FHAD1: variants seen among roughly 807,000 people sequenced by gnomAD.
The protein encoded by FHAD1 is forkhead-associated domain-containing protein 1.
A neutral mutation model predicts 191.3 loss-of-function variants in FHAD1; 146 were observed. The observed-to-expected ratio is 0.76, with a 90% confidence interval of 0.67 to 0.88. FHAD1 has a LOEUF of 0.88. Ranked by LOEUF, FHAD1 falls within the 40% of genes least tolerant of loss-of-function variation. The probability of loss-of-function intolerance (pLI) is 0.00; values close to 1 mark genes in which losing one functional copy is unlikely to be tolerated. For missense variants in FHAD1, 1,635 were observed against 1,785.8 expected, an observed-to-expected ratio of 0.92 and a Z score of 1.52; for synonymous variants, 616 against 672.3, an observed-to-expected ratio of 0.92 and a Z score of 1.29.
Position 15,341,828 on chromosome 1 carries a change from G to C in FHAD1, c.2070G>C (p.Glu690Asp). The change falls in exon 16 of 34, where the codon GAG becomes GAC. Residue 690 changes from glutamate (E) to aspartate (D), a missense_variant. By Grantham distance (45) the Glu-to-Asp change is conservative. Coordinates refer to ENST00000688493, the MANE Select transcript of FHAD1 (RefSeq NM_001391957.1). ...CAGAGAAGGAGAAGCTGAACGAGGA[G>C]AGGCTAGAGCAAGAGGAGAAGCTCA... ...HLAEKEKLNEERLEQEEKLKA... is the reference protein window; with the variant it reads ...HLAEKEKLNEDRLEQEEKLKA... 6.4e-7 allele frequency: 1 copy of C among 1,551,886 alleles called. No individual in the cohort carries two copies. Among genetic ancestry groups the C allele is most frequent in the Non-Finnish European group, 8.7e-7 (1 of 1,147,018 alleles).
intron 33 of FHAD1, among the ~76,000 whole-genome samples, chr1:15,395,203 A>G (rs1420588592): frequency 6.6e-6 from 1 of 151,606 alleles, no homozygotes; most frequent in Non-Finnish European, 1.5e-5. Flanking sequence ...TGTCCCAGGT[A>G]CTCGGGAGGC....
intron 11 of FHAD1, chr1:15,326,749 C>T (rs1678793661): frequency 8.2e-6 from 2 of 242,634 alleles, no homozygotes; most frequent in Non-Finnish European, 1.6e-5. Flanking sequence ...GCGCTCCCGG[C>T]CCCAGACTTC....
Position 15,345,453 on chromosome 1 carries a change from T to C in FHAD1, c.2276T>C (p.Val759Ala), listed in dbSNP as rs1688517311. 1 of 1,551,768 alleles carries C rather than the reference T, an allele frequency of 6.4e-7. No individual in the cohort carries two copies. Among genetic ancestry groups the C allele is most frequent in the Non-Finnish European group, 8.7e-7 (1 of 1,147,018 alleles). ...AKSITQEKNR[V>A]KEALEEEQTR... Reference sequence around the variant, plus strand: ...AGCATTACCCAGGAGAAGAACAGAGTGAAGGAAGCATTAGAGGAAGAGCAG... The same window carrying C: ...AGCATTACCCAGGAGAAGAACAGAGCGAAGGAAGCATTAGAGGAAGAGCAG... Residue 759 changes from valine to alanine, a missense_variant, in exon 18 of 34, where the codon GTG becomes GCG. By Grantham distance (64) the Val-to-Ala change is moderately conservative. Transcript: ENST00000688493.
intron 23 of FHAD1, 94 bp from the exon 24 acceptor site, chr1:15,365,733 A>G: frequency 1.4e-6 from 1 of 734,260 alleles, no homozygotes; most frequent in Admixed American, 2.3e-5. Flanking sequence ...CGTGATTGAG[A>G]ATCTCTTTGC....
At chr1:15,319,690 A>C (rs1574303570) in intron 10 of FHAD1, among the ~76,000 whole-genome samples, 1 of 152,246 alleles carries the variant, frequency 6.6e-6, no homozygotes, top group East Asian at 1.9e-4. Context: ...GGTAGAAATG[A>C]AAACTACAAA....
intron 14 of FHAD1, among the ~76,000 whole-genome samples, chr1:15,338,425 C>G (rs1685148323): frequency 6.6e-6 from 1 of 152,200 alleles, no homozygotes; most frequent in South Asian, 2.1e-4. Context: ...ACCTTCCCCT[C>G]TGTCTGTGGT....
At chr1:15,256,557 G>C (rs1648159009) in intron 2 of FHAD1, among the ~76,000 whole-genome samples, 1 of 149,666 alleles carries the variant, frequency 6.7e-6, no homozygotes, top group Non-Finnish European at 1.5e-5. Flanking sequence ...GGAGCCTGAG[G>C]CAGGAGAATT....
At position 15,297,159 on chromosome 1, in the gene FHAD1, TC is replaced by T. The variant is rs199679091; in HGVS notation, c.678+367del. ...ACAGTAAAAGGGGCAGAATTGAGAT[TC>T]ACACCCAGGTCTGGTTAACTTCCCT... On this transcript the variant is annotated intron_variant, in intron 5 of 33. Coordinates refer to ENST00000688493, the MANE Select transcript of FHAD1 (RefSeq NM_001391957.1). 8.2e-3 allele frequency among the ~76,000 whole-genome samples: 1,252 copies of T among 152,292 alleles called. 23 individuals carry two copies. Among genetic ancestry groups the T allele is most frequent in the African/African-American group, 0.028 (1,182 of 41,562 alleles).
At chr1:15,284,578 G>A (rs1661738210) in intron 3 of FHAD1, among the ~76,000 whole-genome samples, 1 of 152,076 alleles carries the variant, frequency 6.6e-6, no homozygotes. Context: ...AGGGCTTCCT[G>A]GAAGAATGCA....
At chr1:15,340,073 A>G (rs1050380881) in intron 15 of FHAD1, among the ~76,000 whole-genome samples, 2 of 151,830 alleles carry the variant, frequency 1.3e-5, no homozygotes, top group Non-Finnish European at 2.9e-5. Context: ...TGATCCACCC[A>G]CCTCAGCTTC....
chr1:15,246,756 C>A (rs933302871), upstream of FHAD1, among the ~76,000 whole-genome samples: 1 of 152,112 alleles, frequency 6.6e-6, no homozygotes, highest in African/African-American at 2.4e-5. Flanking sequence ...CTCATTCTTT[C>A]AAAATTTTTC....
At chr1:15,246,336 A>T (rs1051950172), upstream of FHAD1, among the ~76,000 whole-genome samples, 23 of 152,218 alleles carry the variant, frequency 1.5e-4, no homozygotes, top group Admixed American at 7.2e-4. Flanking sequence ...GCCAAACCGT[A>T]TCACTAGGGT....
Position 15,367,246 on chromosome 1 carries a change from C to T in FHAD1, c.3155-217C>T, listed in dbSNP as rs1280233642. On this transcript the variant is annotated intron_variant, in intron 24 of 33. Coordinates refer to ENST00000688493, the MANE Select transcript of FHAD1 (RefSeq NM_001391957.1). ...GTAGCTACCTTACACCTGTAGTCCC[C>T]GCACTTTGGGAGACTGAGGCGGGTG... 3.9e-5 allele frequency among the ~76,000 whole-genome samples: 6 copies of T among 152,014 alleles called. No homozygotes were observed. In the East Asian group the frequency reaches 7.7e-4, roughly 20 times the overall value.
In FHAD1 at chr1:15,312,591, G is replaced by C. The variant is rs1672621941; in HGVS notation, c.1040-466G>C. On this transcript the variant is annotated intron_variant, in intron 7 of 33. Coordinates refer to ENST00000688493, the MANE Select transcript of FHAD1 (RefSeq NM_001391957.1). This position sits in a 1 kb window ranked among gnomAD's most constrained non-coding sequence, Gnocchi z 4.7. ...GCAGGAGGATCGCCTGAGTCCAGGA[G>C]GTCGAGGCTGTAGTGAACCATGATC... Among the ~76,000 whole-genome samples, 1 of 152,222 alleles carries C rather than the reference G, an allele frequency of 6.6e-6. No individual in the cohort carries two copies. The highest frequency in any genetic ancestry group is 1.5e-5 in the Non-Finnish European group (1 of 68,034).
intron 14 of FHAD1, chr1:15,334,618 A>T (rs1306469821): frequency 6.6e-6 from 1 of 152,238 alleles, no homozygotes; most frequent in Non-Finnish European, 1.5e-5. Context: ...ATGAGGACTG[A>T]GTGATGGGAT....
chr1:15,301,066 G>A, intron 5 of FHAD1, 139 bp from the exon 6 acceptor site: 1 of 659,724 alleles, frequency 1.5e-6, no homozygotes, highest in East Asian at 2.8e-5. Flanking sequence ...CTGACCTCAG[G>A]CGATCCACCC....
chr1:15,402,449 T>C (rs1282357342), downstream of FHAD1, among the ~76,000 whole-genome samples: 1 of 152,244 alleles, frequency 6.6e-6, no homozygotes, highest in Middle Eastern at 3.2e-3. Context: ...GCACTTACTT[T>C]TGACGTCCAC....
intron 20 of FHAD1, among the ~76,000 whole-genome samples, chr1:15,356,684 C>T (rs1205925664): frequency 1.3e-5 from 2 of 152,148 alleles, no homozygotes; most frequent in South Asian, 2.1e-4. Flanking sequence ...CCAGCCTGGC[C>T]AACATGGCAA....
Position 15,345,172 on chromosome 1 carries a change from C to T in FHAD1, c.2220C>T (p.Leu740=), listed in dbSNP as rs1688363091. The T allele has an allele frequency of 6.4e-7, 1 of 1,551,420 alleles. No individual in the cohort carries two copies. Among genetic ancestry groups the T allele is most frequent in the Non-Finnish European group, 8.7e-7 (1 of 1,146,882 alleles). The change falls in exon 17 of 34, where the codon CTC becomes CTT. Residue 740 remains leucine (L), a synonymous_variant. Coordinates refer to ENST00000688493, the MANE Select transcript of FHAD1 (RefSeq NM_001391957.1). ...AGAGAATGCAAGAACTGGAGAGCCT[C>T]CTGGCCCAGCAGAAGAAGGTATGTG... ...ERKRMQELES[L]LAQQKKALAK... is the part of the protein sequence containing the mutation.
Sources: allele counts gnomAD v4.1 joint callset (sites outside exome capture counted in the v4.1 genomes callset), GRCh38; gene constraint gnomAD v4.1.1; non-coding constraint Gnocchi (gnomAD v3.1); transcripts MANE v1.5; gene names NCBI Gene and HGNC (gene_info 2026-07-23, HGNC 2026-07-21).